ERBIN: variants seen among roughly 807,000 people sequenced by gnomAD.
ERBIN encodes erbb2 interacting protein, also known as densin-180-like protein.
Under a neutral mutation model 158.4 loss-of-function variants are expected in ERBIN, and 60 were observed. That is an observed-to-expected ratio of 0.38 (90% CI 0.31 to 0.47). The LOEUF (loss-of-function observed/expected upper bound fraction) is 0.47. Ranked by LOEUF, ERBIN falls within the 20% of genes least tolerant of loss-of-function variation. ERBIN has a pLI of 0.99. For synonymous variants in ERBIN, 594 were observed against 557.2 expected, an observed-to-expected ratio of 1.07 and a Z score of -0.93; for missense variants, 1,610 against 1,648.0, an observed-to-expected ratio of 0.98 and a Z score of 0.40.
intron 18 of ERBIN, among the ~76,000 whole-genome samples, chr5:66,047,381 A>G (rs1348214417): frequency 6.6e-6 from 1 of 152,056 alleles, no homozygotes; most frequent in Admixed American, 6.6e-5. Context: ...CAATTAATGG[A>G]CATTTTAATT....
At chr5:65,946,274 G>A (rs1034121525) in intron 1 of ERBIN, among the ~76,000 whole-genome samples, 5 of 152,052 alleles carry the variant, frequency 3.3e-5, no homozygotes, top group African/African-American at 1.2e-4. Context: ...TAAGATGGAG[G>A]TATTGCTTGA....
At chr5:66,055,779 A>G (rs1012896547) in intron 21 of ERBIN, among the ~76,000 whole-genome samples, 1 of 152,328 alleles carries the variant, frequency 6.6e-6, no homozygotes, top group South Asian at 2.1e-4. Context: ...AGGTGAACAT[A>G]CAACTTCAAT....
At chr5:66,015,050 C>G (rs1400443532) in intron 7 of ERBIN, among the ~76,000 whole-genome samples, 2 of 152,110 alleles carry the variant, frequency 1.3e-5, no homozygotes, top group Non-Finnish European at 2.9e-5. Flanking sequence ...TACTAAAGTT[C>G]ATACACATAG....
intron 4 of ERBIN, among the ~76,000 whole-genome samples, chr5:66,004,422 A>C (rs1024449878): frequency 1.4e-4 from 22 of 152,156 alleles, no homozygotes; most frequent in Non-Finnish European, 1.8e-4. Context: ...GTGTGAGTTG[A>C]GACAGAATCT....
chr5:66,049,878 A>G (rs999669337), intron 19 of ERBIN, among the ~76,000 whole-genome samples: 6 of 152,138 alleles, frequency 3.9e-5, no homozygotes, highest in Non-Finnish European at 8.8e-5. Context: ...CTGTTCATGT[A>G]ATTGCTACAC....
At chr5:65,991,867 A>G (rs1451147148) in intron 2 of ERBIN, among the ~76,000 whole-genome samples, 3 of 152,306 alleles carry the variant, frequency 2.0e-5, no homozygotes, top group Admixed American at 6.5e-5. Flanking sequence ...GAAAAACTAT[A>G]TGGCCAATAT....
chr5:66,046,850 A>G (rs1178517539), intron 18 of ERBIN, among the ~76,000 whole-genome samples: 1 of 152,196 alleles, frequency 6.6e-6, no homozygotes. Context: ...TAACTTATTT[A>G]TGCATTTATC....
chr5:66,054,304 C>G lies in ERBIN; in HGVS notation c.2986C>G (p.Gln996Glu), dbSNP rs775037834. 5.0e-6 allele frequency: 8 copies of G among 1,614,180 alleles called. No individual in the cohort carries two copies. In the East Asian group the frequency reaches 1.8e-4, roughly 36 times the overall value. ...CAAAGACACTTTGTGGCACTCCAAA[C>G]AAAATCCCCAAATAGACCATGCCAG... is the stretch of plus-strand genomic sequence containing the variant. The part of the protein sequence containing the change: ...AVKDTLWHSK[Q>E]NPQIDHASFP... Residue 996 changes from glutamine (Q) to glutamate (E), a missense_variant, in exon 21 of 26, where the codon CAA becomes GAA. Transcript: ENST00000284037.
chr5:65,970,467 AACT>A (rs2150984631), intron 1 of ERBIN, among the ~76,000 whole-genome samples: 1 of 140,896 alleles, frequency 7.1e-6, no homozygotes, highest in East Asian at 1.9e-4. Context: ...TGGCAACACT[AACT>A]ACTATTTTTC....
At position 65,957,123 on chromosome 5, in the gene ERBIN, A is replaced by G. The variant is rs995780891; in HGVS notation, c.-58+30317A>G. Reference sequence around the variant, plus strand: ...CTATTATAATTTAACCCTTTTTGTGAAACTGTGGTACATATGTCTAGGTGT... The same window carrying G: ...CTATTATAATTTAACCCTTTTTGTGGAACTGTGGTACATATGTCTAGGTGT... On this transcript the variant is annotated intron_variant, in intron 1 of 25. Coordinates refer to ENST00000284037, the MANE Select transcript of ERBIN (RefSeq NM_001253697.2). 1.1e-4 allele frequency among the ~76,000 whole-genome samples: 17 copies of G among 152,254 alleles called. No individual in the cohort carries two copies. In the South Asian group the frequency reaches 1.9e-3, roughly 17 times the overall value.
chr5:66,079,163 G>C lies in ERBIN; in HGVS notation c.*633G>C, dbSNP rs1486020840. On this transcript the variant is annotated 3_prime_UTR_variant, in exon 26 of 26. Transcript: ENST00000284037. ...ACGTGGTAGTATGTTTTTATTAGGA[G>C]AATAATGCAATAAAATATGTAATGT... is the stretch of plus-strand genomic sequence containing the variant. 1 of 152,542 alleles carries C rather than the reference G, an allele frequency of 6.6e-6. No individual in the cohort carries two copies. Among genetic ancestry groups the C allele is most frequent in the Non-Finnish European group, 1.5e-5 (1 of 68,020 alleles). The allele number at this position is 152,542 out of a possible 1,614,324, so 9.4% of individuals were successfully genotyped here. A position where few individuals can be genotyped will look rare whatever the true frequency, so the allele number is the denominator to read the frequency against.
chr5:66,042,983 A>ATCTAT, intron 15 of ERBIN, 94 bp from the exon 16 acceptor site: 1 of 920,472 alleles, frequency 1.1e-6, no homozygotes, highest in Admixed American at 2.3e-5. Context: ...GACTTATTGT[A>ATCTAT]GTGAACATAA....
At chr5:66,042,327 T>C (rs1027451635) in intron 15 of ERBIN, among the ~76,000 whole-genome samples, 3 of 152,112 alleles carry the variant, frequency 2.0e-5, no homozygotes, top group Non-Finnish European at 2.9e-5. Context: ...TTTAGATGCC[T>C]AATAATAACA....
Position 66,081,603 on chromosome 5 carries a change from A to G in ERBIN, c.*3073A>G, listed in dbSNP as rs1409752257. The G allele has an allele frequency of 6.6e-6, 1 of 152,106 alleles. No homozygotes were observed. Among genetic ancestry groups the G allele is most frequent in the Non-Finnish European group, 1.5e-5 (1 of 67,976 alleles). 9.4% of individuals were successfully genotyped at this position (152,106 alleles called of 1,614,324 possible). On this transcript the variant is annotated 3_prime_UTR_variant, in exon 26 of 26. Coordinates refer to ENST00000284037, the MANE Select transcript of ERBIN (RefSeq NM_001253697.2). ...GGGGTTAGAGAAATTCTCATGAAAA[A>G]TATACAATTTTTTTTTAGCATTAAA... is the stretch of plus-strand genomic sequence containing the variant.
chr5:66,037,041 A>G (rs1393930293), intron 14 of ERBIN, among the ~76,000 whole-genome samples: 1 of 152,188 alleles, frequency 6.6e-6, no homozygotes, highest in Non-Finnish European at 1.5e-5. Context: ...TGCAACAATT[A>G]CAACAGTTTT....
intron 4 of ERBIN, among the ~76,000 whole-genome samples, chr5:66,003,357 A>G (rs763512349): frequency 2.1e-4 from 29 of 137,820 alleles, no homozygotes; most frequent in Non-Finnish European, 2.5e-4. Flanking sequence ...CAGAAGGTGT[A>G]AAAAAAAAAT....
chr5:66,072,334 T>C, intron 22 of ERBIN, 43 bp downstream of exon 22: 2 of 1,542,396 alleles, frequency 1.3e-6, no homozygotes, highest in South Asian at 1.2e-5. Flanking sequence ...GTGAGCTTTC[T>C]ATATTTTGCA....
At chr5:65,999,800 G>T (rs1752842657) in intron 4 of ERBIN, among the ~76,000 whole-genome samples, 1 of 152,148 alleles carries the variant, frequency 6.6e-6, no homozygotes, top group Non-Finnish European at 1.5e-5. Context: ...TGAAATTTGT[G>T]TTTCCATCCC....
At chr5:65,927,878 G>A (rs964018950) in intron 1 of ERBIN, among the ~76,000 whole-genome samples, 1 of 152,018 alleles carries the variant, frequency 6.6e-6, no homozygotes, top group East Asian at 1.9e-4. Context: ...TTTTTTCAGT[G>A]GTGTTTTAGT....
Sources: allele counts gnomAD v4.1 joint callset (sites outside exome capture counted in the v4.1 genomes callset), GRCh38; gene constraint gnomAD v4.1.1; transcripts MANE v1.5; gene names NCBI Gene and HGNC (gene_info 2026-07-23, HGNC 2026-07-21).